Variants in MYO1E observed in about 807,000 individuals in gnomAD.
MYO1E encodes the protein myosin IE, also known as unconventional myosin-Ie.
A neutral mutation model predicts 151.1 loss-of-function variants in MYO1E; 68 were observed. The observed-to-expected ratio is 0.45, with a 90% CI of 0.37 to 0.55. The LOEUF is 0.55. Ranked by LOEUF, MYO1E falls within the 20% of genes least tolerant of loss-of-function variation. The pLI is 0.00. For missense variants in MYO1E, 1,363 were observed against 1,389.3 expected (o/e 0.98, Z 0.30); for synonymous variants, 601 against 501.7 (o/e 1.20, Z -2.64).
intron 3 of MYO1E, among the ~76,000 whole-genome samples, chr15:59,260,897 G>A (rs1273298848): frequency 6.6e-6 from 1 of 152,094 alleles, no homozygotes; most frequent in African/African-American, 2.4e-5. Flanking sequence ...TCAAATATTA[G>A]ACAGTCCTAA....
intron 4 of MYO1E, among the ~76,000 whole-genome samples, chr15:59,249,738 G>A (rs370283070): frequency 6.6e-6 from 1 of 152,088 alleles, no homozygotes; most frequent in South Asian, 2.1e-4. Context: ...TTAGCATGAG[G>A]AGCAGGCTTC....
At chr15:59,152,062 G>A (rs961746808) in intron 26 of MYO1E, among the ~76,000 whole-genome samples, 2 of 149,856 alleles carry the variant, frequency 1.3e-5, no homozygotes, top group African/African-American at 4.9e-5. Flanking sequence ...GTGAGACTCC[G>A]TCTAAAAAAA....
chr15:59,290,661 T>G (rs1368524877), intron 1 of MYO1E, among the ~76,000 whole-genome samples: 1 of 152,200 alleles, frequency 6.6e-6, no homozygotes, highest in African/African-American at 2.4e-5. Flanking sequence ...TCAGACAACT[T>G]GAATATGTTT....
At chr15:59,358,245 AGAGGAAGAGGAGGATGAG>A (rs1203953435) in intron 1 of MYO1E, among the ~76,000 whole-genome samples, 7 of 151,938 alleles carry the variant, frequency 4.6e-5, no homozygotes, top group East Asian at 1.9e-4. Context: ...AAAAGGAGAA[AGAGGAAGAGGAGGATGAG>A]GAGGAAGAGG....
intron 1 of MYO1E, among the ~76,000 whole-genome samples, chr15:59,277,527 G>A (rs1488596879): frequency 8.1e-6 from 1 of 122,812 alleles, no homozygotes; most frequent in African/African-American, 3.2e-5. Flanking sequence ...CCTGGCAACA[G>A]AGCAAGACTC....
At chr15:59,338,734 T>C (rs1229043538) in intron 1 of MYO1E, among the ~76,000 whole-genome samples, 1 of 152,130 alleles carries the variant, frequency 6.6e-6, no homozygotes, top group Admixed American at 6.5e-5. Flanking sequence ...TAGAATGATA[T>C]GGGGCAAACA....
intron 1 of MYO1E, among the ~76,000 whole-genome samples, chr15:59,301,040 G>A (rs1222143128): frequency 6.6e-6 from 1 of 151,716 alleles, no homozygotes; most frequent in Non-Finnish European, 1.5e-5. Context: ...GCTAATTTTT[G>A]TACTTTTAGT....
intron 18 of MYO1E, 41 bp from the exon 19 acceptor site, chr15:59,178,578 G>C (rs2079639697): frequency 1.2e-6 from 2 of 1,606,112 alleles, no homozygotes; most frequent in East Asian, 4.5e-5. Flanking sequence ...ACTTGGGCGG[G>C]ACCGCACTGG....
chr15:59,341,016 C>CAAAAAAAAAAAAAAA (rs35367694), intron 1 of MYO1E, among the ~76,000 whole-genome samples: 7 of 86,246 alleles, frequency 8.1e-5, no homozygotes, highest in Non-Finnish European at 1.4e-4. Context: ...GACTCCATCT[C>CAAAAAAAAAAAAAAA]AAAAAAAAAA....
At chr15:59,330,651 T>A (rs1488486892) in intron 1 of MYO1E, among the ~76,000 whole-genome samples, 1 of 152,180 alleles carries the variant, frequency 6.6e-6, no homozygotes, top group Non-Finnish European at 1.5e-5. Flanking sequence ...GCACCCTCCA[T>A]TCCATTTAAT....
intron 2 of MYO1E, among the ~76,000 whole-genome samples, chr15:59,268,805 C>A (rs923975382): frequency 7.5e-6 from 1 of 132,462 alleles, no homozygotes; most frequent in Non-Finnish European, 1.5e-5. Flanking sequence ...TTTTTATATG[C>A]TGCTTTTTGA....
intron 4 of MYO1E, among the ~76,000 whole-genome samples, chr15:59,246,771 G>A (rs1251668538): frequency 1.3e-5 from 2 of 152,166 alleles, no homozygotes; most frequent in Admixed American, 6.5e-5. Flanking sequence ...AACAAGTCAG[G>A]TAAAATACAG....
intron 1 of MYO1E, among the ~76,000 whole-genome samples, chr15:59,296,985 G>A (rs2080452958): frequency 8.7e-6 from 1 of 114,736 alleles, no homozygotes; most frequent in African/African-American, 2.9e-5. Flanking sequence ...GACTACAGGC[G>A]CCCGCTACCA....
chr15:59,267,926 AT>A (rs202125461), intron 2 of MYO1E, among the ~76,000 whole-genome samples: 13 of 151,696 alleles, frequency 8.6e-5, no homozygotes, highest in African/African-American at 1.5e-4. Context: ...TTCTAAGTGG[AT>A]TTTTTTTTCC....
At chr15:59,295,305 AG>A (rs1730996275) in intron 1 of MYO1E, among the ~76,000 whole-genome samples, 1 of 152,084 alleles carries the variant, frequency 6.6e-6, no homozygotes, top group Non-Finnish European at 1.5e-5. Context: ...GGCATGGACG[AG>A]GGTAACAACA....
At chr15:59,354,475 C>G (rs62002509) in intron 1 of MYO1E, among the ~76,000 whole-genome samples, 13 of 152,280 alleles carry the variant, frequency 8.5e-5, no homozygotes, top group Admixed American at 2.0e-4. Context: ...ACCACTCCCC[C>G]ACAAACGTCA....
intron 1 of MYO1E, among the ~76,000 whole-genome samples, chr15:59,298,267 A>C (rs572664281): frequency 1.8e-4 from 28 of 152,212 alleles, no homozygotes; most frequent in Non-Finnish European, 3.7e-4. Flanking sequence ...TTAAACTCCG[A>C]AACTGAGTTT....
At chr15:59,219,782 T>C (rs1316757924) in intron 9 of MYO1E, among the ~76,000 whole-genome samples, 1 of 152,216 alleles carries the variant, frequency 6.6e-6, no homozygotes, top group African/African-American at 2.4e-5. Flanking sequence ...TCTCACAGAG[T>C]TGAACATTTC....
intron 1 of MYO1E, among the ~76,000 whole-genome samples, chr15:59,299,077 G>C (rs775674471): frequency 1.5e-4 from 23 of 152,188 alleles, no homozygotes; most frequent in Non-Finnish European, 3.1e-4. Context: ...AGAGGCCAAA[G>C]ATTCTTGCTC....
Sources: gnomAD v4.1 joint callset for allele counts (sites outside exome capture counted in the v4.1 genomes callset) on GRCh38, gnomAD v4.1.1 for gene constraint, MANE v1.5 for transcripts, NCBI Gene and HGNC (gene_info 2026-07-23, HGNC 2026-07-21) for gene names.